Variants in ANAPC2 observed in about 807,000 individuals in gnomAD.
ANAPC2 encodes anaphase-promoting complex subunit 2.
In ANAPC2, 29 loss-of-function variants were observed where a neutral mutation model predicts 84.3. That is an observed-to-expected ratio of 0.34 (90% CI 0.26 to 0.47). The LOEUF is 0.47. Ranked by LOEUF, ANAPC2 falls within the 20% of genes least tolerant of loss-of-function variation. ANAPC2 has a pLI of 1.00. For synonymous variants in ANAPC2, 571 were observed against 479.4 expected (o/e 1.19, Z -2.50); for missense variants, 857 against 1,131.7 (o/e 0.76, Z 3.48).
chr9:137,187,524 A>G lies in ANAPC2; in HGVS notation c.697T>C (p.Cys233Arg). Residue 233 changes from cysteine (C) to arginine (R), a missense_variant, in exon 2 of 13, where the codon TGT becomes CGT. This residue lies in a region of ANAPC2 where 428 missense variants were observed against 513.8 expected (regional missense o/e 0.83). Coordinates refer to ENST00000323927, the MANE Select transcript of ANAPC2 (RefSeq NM_013366.4). ...GCSSDKQQCW[C>R]RQALEQFHQL... The stretch of plus-strand genomic sequence containing the variant: ...TGGAACTGCTCCAGAGCCTGGCGAC[A>G]CCAGCACTGTTGCTTGTCACTGCTG... 6.2e-7 allele frequency: 1 copy of G among 1,613,060 alleles called. No individual in the cohort carries two copies. The highest frequency in any genetic ancestry group is 8.5e-7 in the Non-Finnish European group (1 of 1,179,356).
chr9:137,177,728 C>A (rs117309473), intron 10 of ANAPC2, among the ~76,000 whole-genome samples: 1,628 of 152,186 alleles, frequency 0.011, 68 homozygotes, highest in Non-Finnish European at 5.3e-3. Context: ...ACTCCCGGTG[C>A]CTCTGATGAG....
chr9:137,175,323 G>C lies in ANAPC2; in HGVS notation c.2170C>G (p.Arg724Gly). 6.2e-7 allele frequency: 1 copy of C among 1,612,642 alleles called. No individual in the cohort carries two copies. Among genetic ancestry groups the C allele is most frequent in the Non-Finnish European group, 8.5e-7 (1 of 1,179,876 alleles). The change falls in exon 12 of 13, where the codon CGG becomes GGG. Residue 724 changes from arginine (R) to glycine (G), a missense_variant. By Grantham distance (125) the Arg-to-Gly change is moderately radical. This residue lies in a region of ANAPC2 where 425 missense variants were observed against 595.5 expected (regional missense o/e 0.71). Transcript: ENST00000323927. ...CTGTCAATGAGCACCATGTTGTCCC[G>C]GTCCTGAGGCCGCTCCTCCTCAATG... ...SVIEEERPQD[R>G]DNMVLIDSDD... is the part of the protein sequence containing the mutation.
rs779075661 is a variant in ANAPC2, at chr9:137,180,912, G to A, written c.1486C>T (p.Arg496Trp). 1.9e-6 allele frequency: 3 copies of A among 1,613,230 alleles called. No homozygotes were observed. Among genetic ancestry groups the A allele is most frequent in the African/African-American group, 1.3e-5 (1 of 74,936 alleles). The stretch of plus-strand genomic sequence containing the variant: ...AGGCTGATGATGTCCGATGAACGCC[G>A]CTTGGAGCTCGACTTCCCTGGCATG... ...DADPGKSSSK[R>W]RSSDIISLLV... The change falls in exon 8 of 13, where the codon CGG becomes TGG. Residue 496 changes from arginine (R) to tryptophan (W), a missense_variant. Arg to Trp is a moderately radical substitution (Grantham distance 101). This residue lies in a region of ANAPC2 where 425 missense variants were observed against 595.5 expected (regional missense o/e 0.71). Coordinates refer to ENST00000323927, the MANE Select transcript of ANAPC2 (RefSeq NM_013366.4).
intron 10 of ANAPC2, chr9:137,176,670 G>T (rs1435395289): frequency 6.6e-6 from 1 of 152,292 alleles, no homozygotes; most frequent in African/African-American, 2.4e-5. Context: ...CTGGATGTCG[G>T]CAGCAATGCC....
intron 6 of ANAPC2, 26 bp from the exon 7 acceptor site, chr9:137,181,888 C>A (rs1834351121): frequency 6.3e-7 from 1 of 1,588,790 alleles, no homozygotes; most frequent in African/African-American, 1.3e-5. Flanking sequence ...CTGCTGTGGC[C>A]CACAGTGTGG....
chr9:137,187,160 C>T, intron 2 of ANAPC2: 1 of 338,766 alleles, frequency 3.0e-6, no homozygotes, highest in East Asian at 5.1e-5. Context: ...AGAATCATTC[C>T]TCCCCAGGAT....
chr9:137,183,425 T>A, intron 5 of ANAPC2, 183 bp from the exon 6 acceptor site: 1 of 744,702 alleles, frequency 1.3e-6, no homozygotes, highest in Admixed American at 2.8e-5. Flanking sequence ...CAGGGAGGTC[T>A]GTTCTGAGAG....
intron 3 of ANAPC2, among the ~76,000 whole-genome samples, chr9:137,185,900 G>A (rs28393273): frequency 1.3e-5 from 2 of 152,238 alleles, no homozygotes; most frequent in African/African-American, 2.4e-5. Context: ...GCAAACAGGA[G>A]AAGGGGATCC....
intron 4 of ANAPC2, 76 bp from the exon 5 acceptor site, chr9:137,183,867 G>C (rs898772898): frequency 3.2e-6 from 5 of 1,567,132 alleles, no homozygotes; most frequent in Non-Finnish European, 4.3e-6. Flanking sequence ...AGTGTGTGCG[G>C]TGTGGGAAAG....
rs1588762447 is a variant in ANAPC2 at position 137,183,194 on chromosome 9, G to A, written c.1217C>T (p.Ala406Val). 2.5e-6 allele frequency: 4 copies of A among 1,613,142 alleles called. No homozygotes were observed. Among genetic ancestry groups the A allele is most frequent in the Non-Finnish European group, 2.5e-6 (3 of 1,179,958 alleles). The change falls in exon 6 of 13, where the codon GCG (alanine) becomes GTG (valine). Residue 406 changes from alanine (A) to valine (V), a missense_variant. This residue lies in a region of ANAPC2 where 425 missense variants were observed against 595.5 expected (regional missense o/e 0.71). Transcript: ENST00000323927. Reference sequence around the variant, plus strand: ...CATGGAAGGGTCCAGCACGCGCAGCGCCTTGATGGCAGAGATATAGAGGGT... The same window carrying A: ...CATGGAAGGGTCCAGCACGCGCAGCACCTTGATGGCAGAGATATAGAGGGT... ...IITLYISAIK[A>V]LRVLDPSMVI...
Position 137,175,044 on chromosome 9 carries a change from C to A in ANAPC2, c.2367G>T (p.Glu789Asp). The change falls in exon 13 of 13, where the codon GAG becomes GAT. Residue 789 changes from glutamate to aspartate, a missense_variant. Transcript: ENST00000323927. The part of the protein sequence containing the change: ...MFVVTGPALA[E>D]IDLQELQGYL... ...AGCCCTGCAGCTCCTGCAGGTCAAT[C>A]TCGGCCAGTGCAGGCCCAGTCACCA... 1.2e-6 allele frequency: 2 copies of A among 1,605,428 alleles called. No homozygotes were observed. Among genetic ancestry groups the A allele is most frequent in the African/African-American group, 1.3e-5 (1 of 74,962 alleles).
In ANAPC2 at chr9:137,181,668, G is replaced by C. The variant is rs775077992; in HGVS notation, c.1468+13C>G. 1.3e-6 allele frequency: 2 copies of C among 1,580,678 alleles called. No homozygotes were observed. The highest frequency in any genetic ancestry group is 1.7e-6 in the Non-Finnish European group (2 of 1,159,392). On this transcript the variant is annotated intron_variant, in intron 7 of 12. Coordinates refer to ENST00000323927, the MANE Select transcript of ANAPC2 (RefSeq NM_013366.4). Reference sequence around the variant, plus strand: ...CCCACACTGGTGAAAGGGACCATGTGGGGCAAGCTAACCTGGATCGGCATC... The same window carrying C: ...CCCACACTGGTGAAAGGGACCATGTCGGGCAAGCTAACCTGGATCGGCATC...
chr9:137,179,259 C>T (rs1289938139), intron 10 of ANAPC2, among the ~76,000 whole-genome samples: 3 of 152,132 alleles, frequency 2.0e-5, no homozygotes, highest in Non-Finnish European at 2.9e-5. Flanking sequence ...CCTGAGCACT[C>T]GCTGGGCACA....
intron 6 of ANAPC2, among the ~76,000 whole-genome samples, chr9:137,182,576 G>C (rs1326598894): frequency 6.6e-6 from 1 of 152,124 alleles, no homozygotes; most frequent in East Asian, 1.9e-4. Context: ...AGCACCAAAG[G>C]AGTCCAGGTA....
rs146077541 is a variant in ANAPC2 at position 137,180,862 on chromosome 9, C to T, written c.1536G>A (p.Lys512=). The change falls in exon 8 of 13, where the codon AAG becomes AAA. Residue 512 remains lysine (K), a synonymous_variant. Transcript: ENST00000323927. ...ISLLVSIYGS[K]DLFINEYRSL... ...AGCGGTACTCATTGATGAAGAGGTC[C>T]TTGCTGCCGTAGATGCTGACCAGCA... 215 of 1,613,384 alleles carry T rather than the reference C, an allele frequency of 1.3e-4. No individual in the cohort carries two copies. The highest frequency in any genetic ancestry group is 8.2e-4 in the Middle Eastern group (5 of 6,062).
rs1459293712 is a variant in ANAPC2 at position 137,183,241 on chromosome 9, G to A, written c.1170C>T (p.Gly390=). 5.0e-6 allele frequency: 8 copies of A among 1,611,606 alleles called. No homozygotes were observed. The highest frequency in any genetic ancestry group is 3.3e-4 in the Middle Eastern group (2 of 6,056). The change falls in exon 6 of 13, where the codon GGC becomes GGT. Residue 390 remains glycine, a splice_region_variant and synonymous_variant. Transcript: ENST00000323927. ...GGGTGATGATGTCACACGTGTTGACGCCTACAGCCAGGGCAGAAGCCAGCA... is the reference window on the plus strand; with the variant it reads ...GGGTGATGATGTCACACGTGTTGACACCTACAGCCAGGGCAGAAGCCAGCA... The part of the protein sequence containing the change: ...AALETRLLHP[G]VNTCDIITLY...
rs1408212018 is a variant in ANAPC2 at position 137,188,543 on chromosome 9, C to G, written c.-11G>C. The G allele has an allele frequency of 6.2e-6, 10 of 1,601,696 alleles. No homozygotes were observed. Among genetic ancestry groups the G allele is most frequent in the Non-Finnish European group, 8.5e-6 (10 of 1,176,744 alleles). ...AACTGCCGCCGCCATCTGCACCCAC[C>G]GACTCCGAGATTCGCTCGGCGCGGC... On this transcript the variant is annotated 5_prime_UTR_variant, in exon 1 of 13. Coordinates refer to ENST00000323927, the MANE Select transcript of ANAPC2 (RefSeq NM_013366.4).
intron 10 of ANAPC2, among the ~76,000 whole-genome samples, chr9:137,177,694 C>T (rs1009227211): frequency 6.6e-6 from 1 of 152,066 alleles, no homozygotes; most frequent in South Asian, 2.1e-4. Flanking sequence ...TTGTGCCCCT[C>T]GAAAAATGAC....
chr9:137,188,318 T>A, intron 1 of ANAPC2, 98 bp downstream of exon 1: 1 of 1,382,912 alleles, frequency 7.2e-7, no homozygotes, highest in East Asian at 2.5e-5. Flanking sequence ...CAGAGGCGGA[T>A]GATGGACAGA....
Sources: gnomAD v4.1 joint callset for allele counts (sites outside exome capture counted in the v4.1 genomes callset) on GRCh38, gnomAD v4.1.1 for gene constraint, gnomAD v4.1.1 regional missense constraint, MANE v1.5 for transcripts, NCBI Gene and HGNC (gene_info 2026-07-23, HGNC 2026-07-21) for gene names.